The following ZFYVE28 variants were observed in gnomAD, a reference collection of about 807,000 sequenced individuals.
ZFYVE28 encodes the protein lateral signaling target protein 2 homolog.
A neutral mutation model predicts 82.1 loss-of-function variants in ZFYVE28; 40 were observed. The ratio of observed to expected loss-of-function variants is 0.49; its 90% CI spans 0.38 to 0.63. ZFYVE28 has a LOEUF of 0.63. Among genes scored for constraint, ZFYVE28 ranks in the 30% least tolerant of loss-of-function variants. ZFYVE28 has a pLI of 0.00. For missense variants in ZFYVE28, 1,321 were observed against 1,242.1 expected (o/e 1.06, Z -0.96); for synonymous variants, 612 against 546.1 (o/e 1.12, Z -1.68).
chr4:2,273,988 C>A lies in ZFYVE28; in HGVS notation c.2206+74G>T. On this transcript the variant is annotated intron_variant, in intron 9 of 12. Transcript: ENST00000290974. Reference sequence around the variant, plus strand: ...AAAGTGAGGGGGAGGTTGTACACGCCCCGCCTGACCTCCCCTAAAGCGCAG... The same window carrying A: ...AAAGTGAGGGGGAGGTTGTACACGCACCGCCTGACCTCCCCTAAAGCGCAG... 1 of 1,546,948 alleles carries A rather than the reference C, an allele frequency of 6.5e-7. No homozygotes were observed. Among genetic ancestry groups the A allele is most frequent in the South Asian group, 1.2e-5 (1 of 84,094 alleles).
intron 8 of ZFYVE28, among the ~76,000 whole-genome samples, chr4:2,276,105 G>A (rs1035786101): frequency 1.3e-5 from 2 of 152,258 alleles, no homozygotes; most frequent in Non-Finnish European, 2.9e-5. Context: ...GCACAGAGGC[G>A]TGGCGCACGT....
At chr4:2,376,977 A>G (rs764905946) in intron 1 of ZFYVE28, among the ~76,000 whole-genome samples, 2 of 152,056 alleles carry the variant, frequency 1.3e-5, no homozygotes, top group Non-Finnish European at 2.9e-5. Context: ...TTGCACCCAA[A>G]GCTCTCACAT....
At chr4:2,413,496 G>A (rs944916843) in intron 1 of ZFYVE28, among the ~76,000 whole-genome samples, 29 of 152,286 alleles carry the variant, frequency 1.9e-4, no homozygotes, top group African/African-American at 5.8e-4. Flanking sequence ...ACTGCCAAGC[G>A]TCCTCCCAGG....
chr4:2,300,802 C>A lies in ZFYVE28; in HGVS notation c.2051+3487G>T, dbSNP rs1459554797. Among the ~76,000 whole-genome samples, 2 of 152,148 alleles carry A rather than the reference C, an allele frequency of 1.3e-5. No individual in the cohort carries two copies. The highest frequency in any genetic ancestry group is 2.9e-5 in the Non-Finnish European group (2 of 68,010). ...GAGACTGGAAGCCGTGAATCAAGGC[C>A]GTGCCCACTGTTCCCTCTGAACCGT... On this transcript the variant is annotated intron_variant, in intron 8 of 12. Coordinates refer to ENST00000290974, the MANE Select transcript of ZFYVE28 (RefSeq NM_020972.3). This position sits in a 1 kb window ranked among gnomAD's most constrained non-coding sequence, Gnocchi z 4.6.
intron 6 of ZFYVE28, chr4:2,328,821 C>G: frequency 1.3e-5 from 3 of 237,774 alleles, no homozygotes; most frequent in East Asian, 7.1e-5. Flanking sequence ...TTTTTTTTTT[C>G]CAACTTTGTT....
rs565579426 is a variant in ZFYVE28, at chr4:2,350,187, G to C, written c.180+3746C>G. On this transcript the variant is annotated intron_variant, in intron 2 of 12. Coordinates refer to ENST00000290974, the MANE Select transcript of ZFYVE28 (RefSeq NM_020972.3). ...TTTAGAAAGTATGATATTGTAGGCCGGGCGCAGTGGCTCACGCCTGTAATC... is the reference window on the plus strand; with the variant it reads ...TTTAGAAAGTATGATATTGTAGGCCCGGCGCAGTGGCTCACGCCTGTAATC... Among the ~76,000 whole-genome samples, 25 of 152,260 alleles carry C rather than the reference G, an allele frequency of 1.6e-4. No individual in the cohort carries two copies. In the East Asian group the frequency reaches 4.8e-3, roughly 29 times the overall value.
intron 1 of ZFYVE28, among the ~76,000 whole-genome samples, chr4:2,380,636 C>T (rs941561055): frequency 1.3e-5 from 2 of 152,128 alleles, no homozygotes; most frequent in Admixed American, 6.5e-5. Flanking sequence ...TCGTAATTCC[C>T]ACGTGTTGTG....
chr4:2,361,625 G>A (rs1231690775), intron 1 of ZFYVE28, among the ~76,000 whole-genome samples: 2 of 152,094 alleles, frequency 1.3e-5, no homozygotes, highest in African/African-American at 4.8e-5. Flanking sequence ...ATCACACCAC[G>A]CCTTCCACCC....
intron 10 of ZFYVE28, 81 bp downstream of exon 10, chr4:2,273,092 G>T: frequency 8.4e-7 from 1 of 1,195,778 alleles, no homozygotes. Context: ...CAGAAGGTGT[G>T]GATTTCTGAG....
At chr4:2,296,046 G>A (rs1358681652) in intron 8 of ZFYVE28, among the ~76,000 whole-genome samples, 6 of 152,204 alleles carry the variant, frequency 3.9e-5, no homozygotes. Flanking sequence ...GATGGGCCCT[G>A]GGTGGGGTCA....
chr4:2,318,332 C>A (rs552726878), intron 7 of ZFYVE28, among the ~76,000 whole-genome samples: 2 of 152,210 alleles, frequency 1.3e-5, no homozygotes, highest in African/African-American at 4.8e-5. Context: ...CCGAGGCGGG[C>A]GGATCACCTG....
Position 2,394,433 on chromosome 4 carries a change from G to A in ZFYVE28, c.39+23852C>T, listed in dbSNP as rs980274669. Among the ~76,000 whole-genome samples the A allele has an allele frequency of 4.6e-5, 7 of 152,152 alleles. No individual in the cohort carries two copies. The East Asian group carries it at 5.8e-4, about 13-fold the overall frequency. ...GCCTGGACCTGGAGGGCTCCTTCACGTTGCCAGCTGACTGGCAAAGGGGCT... is the reference window on the plus strand; with the variant it reads ...GCCTGGACCTGGAGGGCTCCTTCACATTGCCAGCTGACTGGCAAAGGGGCT... On this transcript the variant is annotated intron_variant, in intron 1 of 12. Transcript: ENST00000290974. This position sits in a 1 kb window ranked among gnomAD's most constrained non-coding sequence, Gnocchi z 4.0.
At chr4:2,301,448 C>T (rs908106338) in intron 8 of ZFYVE28, among the ~76,000 whole-genome samples, 3 of 152,196 alleles carry the variant, frequency 2.0e-5, no homozygotes, top group African/African-American at 7.2e-5. Flanking sequence ...ATCCTCAGCA[C>T]TGCCAGAAAC....
chr4:2,413,651 C>T (rs1341006019), intron 1 of ZFYVE28, among the ~76,000 whole-genome samples: 10 of 152,256 alleles, frequency 6.6e-5, no homozygotes, highest in Non-Finnish European at 1.5e-4. Flanking sequence ...CCTGCCACAG[C>T]TGGGCACTTG....
intron 1 of ZFYVE28, among the ~76,000 whole-genome samples, chr4:2,375,588 T>G (rs1728040539): frequency 1.3e-5 from 2 of 152,186 alleles, no homozygotes; most frequent in African/African-American, 4.8e-5. Context: ...AGGAGGTAGC[T>G]TGCCCCACAC....
chr4:2,397,593 T>C (rs1439425279), intron 1 of ZFYVE28, among the ~76,000 whole-genome samples: 1 of 150,980 alleles, frequency 6.6e-6, no homozygotes, highest in Non-Finnish European at 1.5e-5. Context: ...CCCGCTCCCC[T>C]CCCCTGGCCC....
rs551421855 is a variant in ZFYVE28, at chr4:2,392,102, C to T, written c.39+26183G>A. On this transcript the variant is annotated intron_variant, in intron 1 of 12. Coordinates refer to ENST00000290974, the MANE Select transcript of ZFYVE28 (RefSeq NM_020972.3). ...CCAGCAGGCAGAGGTTGCAGTGAGC[C>T]GAGATTGCATCATTGCACTCCATCC... 4.0e-5 allele frequency among the ~76,000 whole-genome samples: 6 copies of T among 150,304 alleles called. No homozygotes were observed. In the South Asian group the frequency reaches 1.3e-3, roughly 32 times the overall value.
intron 2 of ZFYVE28, among the ~76,000 whole-genome samples, chr4:2,353,021 A>C (rs1724702657): frequency 6.6e-6 from 1 of 152,052 alleles, no homozygotes; most frequent in Admixed American, 6.5e-5. Context: ...GACTCTCCCC[A>C]CCCACAGAGG....
chr4:2,383,158 G>C (rs972223084), intron 1 of ZFYVE28, among the ~76,000 whole-genome samples: 1 of 152,076 alleles, frequency 6.6e-6, no homozygotes, highest in Non-Finnish European at 1.5e-5. Context: ...GATTTGAAGG[G>C]GCCAGGGACG....
Sources: gnomAD v4.1 joint callset for allele counts (sites outside exome capture counted in the v4.1 genomes callset) on GRCh38, gnomAD v4.1.1 for gene constraint, Gnocchi (gnomAD v3.1) non-coding constraint, MANE v1.5 for transcripts, NCBI Gene and HGNC (gene_info 2026-07-23, HGNC 2026-07-21) for gene names.